CCNG2: variants seen among roughly 807,000 people sequenced by gnomAD.
CCNG2 encodes cyclin-G2.
Under a neutral mutation model 36.5 loss-of-function variants are expected in CCNG2, and 20 were observed. That is an observed-to-expected ratio of 0.55 (90% confidence interval 0.39 to 0.80). The LOEUF (loss-of-function observed/expected upper bound fraction) is 0.80, where lower values mean the gene tolerates loss of function less well. CCNG2 is among the 30% of genes least tolerant of loss of function. The pLI is 0.00. For synonymous variants in CCNG2, 155 were observed against 140.1 expected (o/e 1.11, Z -0.75); for missense variants, 358 against 390.8 (o/e 0.92, Z 0.71).
At position 77,167,723 on chromosome 4, in the gene CCNG2, C is replaced by G. The variant is rs1157697426; in HGVS notation, c.*1799C>G. On this transcript the variant is annotated 3_prime_UTR_variant, in exon 8 of 8. Coordinates refer to ENST00000316355, the MANE Select transcript of CCNG2 (RefSeq NM_004354.3). The stretch of plus-strand genomic sequence containing the variant: ...TTTGATTTTTGTAGACCTTTGTTTT[C>G]TCTAGTTAGAAAATCAGGTACACTG... 1 of 152,106 alleles carries G rather than the reference C, an allele frequency of 6.6e-6. No homozygotes were observed. The highest frequency in any genetic ancestry group is 1.5e-5 in the Non-Finnish European group (1 of 68,014). The allele number at this position is 152,106 out of a possible 1,614,324, so 9.4% of individuals were successfully genotyped here. A position where few individuals can be genotyped will look rare whatever the true frequency, so the allele number is the denominator to read the frequency against.
chr4:77,166,727 G>A lies in CCNG2; in HGVS notation c.*803G>A, dbSNP rs990592513. The A allele has an allele frequency of 6.6e-6, 1 of 152,230 alleles. No homozygotes were observed. Among genetic ancestry groups the A allele is most frequent in the Admixed American group, 6.5e-5 (1 of 15,298 alleles). 9.4% of individuals were successfully genotyped at this position (152,230 alleles called of 1,614,324 possible). A position where few individuals can be genotyped will look rare whatever the true frequency, so the allele number is the denominator to read the frequency against. On this transcript the variant is annotated 3_prime_UTR_variant, in exon 8 of 8. Coordinates refer to ENST00000316355, the MANE Select transcript of CCNG2 (RefSeq NM_004354.3). ...TGGAATTGATAAATGTTGATCTGGT[G>A]TAGTATATTTTATCGCATTTTCTTA... is the stretch of plus-strand genomic sequence containing the variant.
At chr4:77,159,266 C>T in intron 2 of CCNG2, 101 bp from the exon 3 acceptor site, 2 of 1,119,252 alleles carry the variant, frequency 1.8e-6, no homozygotes, top group Non-Finnish European at 2.5e-6. Flanking sequence ...AAAAATTAAC[C>T]TTATTCTTGG....
At chr4:77,164,243 G>T in intron 6 of CCNG2, 31 bp from the exon 7 acceptor site, 1 of 1,547,638 alleles carries the variant, frequency 6.5e-7, no homozygotes. Context: ...GGGAGACATT[G>T]CCGTAACCTC....
chr4:77,161,399 G>A, intron 4 of CCNG2, 81 bp from the exon 5 acceptor site: 2 of 1,121,642 alleles, frequency 1.8e-6, no homozygotes, highest in South Asian at 3.0e-5. Flanking sequence ...ACCGCGTCTG[G>A]CCCTGGCAAA....
At chr4:77,164,681 T>C (rs1394359539) in intron 7 of CCNG2, 2 of 479,676 alleles carry the variant, frequency 4.2e-6, no homozygotes, top group East Asian at 6.7e-5. Flanking sequence ...TCCTCTCCAA[T>C]TTTTTTAGTT....
chr4:77,159,959 G>T (rs1560421854), intron 3 of CCNG2, among the ~76,000 whole-genome samples: 2 of 152,140 alleles, frequency 1.3e-5, no homozygotes, highest in South Asian at 4.1e-4. Flanking sequence ...ACCAGCAATG[G>T]CTAGAAAAAT....
intron 6 of CCNG2, 43 bp from the exon 7 acceptor site, chr4:77,164,231 T>TTGG: frequency 2.1e-6 from 3 of 1,453,264 alleles, no homozygotes; most frequent in Non-Finnish European, 2.9e-6. Context: ...GCAGCAAGAT[T>TTGG]TGGGAGACAT....
chr4:77,164,191 T>A (rs1203113668), intron 6 of CCNG2, 83 bp from the exon 7 acceptor site: 21 of 938,536 alleles, frequency 2.2e-5, no homozygotes, highest in Middle Eastern at 2.5e-4. Flanking sequence ...ATATATATAT[T>A]TTTCATAGCT....
intron 3 of CCNG2, 53 bp from the exon 4 acceptor site, chr4:77,160,668 T>C: frequency 6.4e-7 from 1 of 1,563,998 alleles, no homozygotes. Flanking sequence ...ATTCTAAGTA[T>C]CTGCTAAGTC....
intron 6 of CCNG2, 73 bp downstream of exon 6, chr4:77,161,820 T>C (rs1459735563): frequency 1.1e-6 from 1 of 873,474 alleles, no homozygotes; most frequent in Non-Finnish European, 1.8e-6. Flanking sequence ...GACTTAAACA[T>C]TAAGTAATAC....
rs529049321 is a variant in CCNG2 at position 77,159,727 on chromosome 4, T to A, written c.276+223T>A. 6.6e-5 allele frequency among the ~76,000 whole-genome samples: 10 copies of A among 152,364 alleles called. No homozygotes were observed. In the South Asian group the frequency reaches 1.9e-3, roughly 28 times the overall value. ...TCTTAGGTTTTACCTCTTAAGTACT[T>A]TCTCTTGAATATGTGACAAAAGAGA... is the stretch of plus-strand genomic sequence containing the variant. On this transcript the variant is annotated intron_variant, in intron 3 of 7. Transcript: ENST00000316355.
chr4:77,160,522 C>CT (rs202066926), intron 3 of CCNG2, among the ~76,000 whole-genome samples, 199 bp from the exon 4 acceptor site: 6,697 of 107,186 alleles, frequency 0.062, 361 homozygotes, highest in African/African-American at 0.081. Flanking sequence ...TCCCTGCTGC[C>CT]TTTTTTTTTG....
chr4:77,160,531 T>TTGGG (rs1451880647), intron 3 of CCNG2, among the ~76,000 whole-genome samples, 190 bp from the exon 4 acceptor site: 7 of 107,380 alleles, frequency 6.5e-5, no homozygotes, highest in Non-Finnish European at 7.3e-5. Context: ...CCTTTTTTTT[T>TTGGG]GGGGGGGGGG....
In CCNG2 at chr4:77,165,961, T is replaced by C. The variant is rs78484094; in HGVS notation, c.*37T>C. Reference sequence around the variant, plus strand: ...TTCTGTCAGAATTTATATTTACAGGTTTCAAAGCAATAAATGGGGGAATAG... The same window carrying C: ...TTCTGTCAGAATTTATATTTACAGGCTTCAAAGCAATAAATGGGGGAATAG... On this transcript the variant is annotated 3_prime_UTR_variant, in exon 8 of 8. Coordinates refer to ENST00000316355, the MANE Select transcript of CCNG2 (RefSeq NM_004354.3). 6.4e-7 allele frequency: 1 copy of C among 1,566,812 alleles called. No homozygotes were observed. Among genetic ancestry groups the C allele is most frequent in the Non-Finnish European group, 8.6e-7 (1 of 1,159,470 alleles).
At chr4:77,159,061 A>T (rs1410715738) in intron 2 of CCNG2, among the ~76,000 whole-genome samples, 3 of 152,252 alleles carry the variant, frequency 2.0e-5, no homozygotes, top group Non-Finnish European at 4.4e-5. Context: ...CTTTCTCTCC[A>T]TTCCAAGGGA....
At chr4:77,161,790 T>C in intron 6 of CCNG2, 43 bp downstream of exon 6, 4 of 1,254,484 alleles carry the variant, frequency 3.2e-6, no homozygotes. Flanking sequence ...TTTTTCCTGA[T>C]GTTTATTTTT....
In CCNG2 at chr4:77,157,275, T is replaced by G. The variant is rs1731280327; in HGVS notation, c.-232T>G. The stretch of plus-strand genomic sequence containing the variant: ...CGGCGGGGGTGCGGCGGTGGGCTGG[T>G]CTTCCGCGGCCGGCGTTGCGCCGCG... On this transcript the variant is annotated 5_prime_UTR_variant, in exon 1 of 8. Coordinates refer to ENST00000316355, the MANE Select transcript of CCNG2 (RefSeq NM_004354.3). 1 of 152,114 alleles carries G rather than the reference T, an allele frequency of 6.6e-6. No individual in the cohort carries two copies. The highest frequency in any genetic ancestry group is 6.6e-5 in the Admixed American group (1 of 15,264). 9.4% of individuals were successfully genotyped at this position (152,114 alleles called of 1,614,324 possible). A position where few individuals can be genotyped will look rare whatever the true frequency, so the allele number is the denominator to read the frequency against.
chr4:77,158,313 G>A (rs1186820092), intron 1 of CCNG2: 3 of 560,386 alleles, frequency 5.4e-6, no homozygotes, highest in Non-Finnish European at 9.5e-6. Flanking sequence ...ACCCAGCGCT[G>A]GCCGGCGGAC....
At position 77,166,996 on chromosome 4, in the gene CCNG2, T is replaced by C. The variant is rs1731648354; in HGVS notation, c.*1072T>C. The C allele has an allele frequency of 6.6e-6, 1 of 152,220 alleles. No homozygotes were observed. Among genetic ancestry groups the C allele is most frequent in the Non-Finnish European group, 1.5e-5 (1 of 68,030 alleles). The allele number at this position is 152,220 out of a possible 1,614,324, so 9.4% of individuals were successfully genotyped here. On this transcript the variant is annotated 3_prime_UTR_variant, in exon 8 of 8. Transcript: ENST00000316355. ...ATTGTATATGAACATGTAAATCTTTTAAAATGTACATAAAATACTGTATTT... is the reference window on the plus strand; with the variant it reads ...ATTGTATATGAACATGTAAATCTTTCAAAATGTACATAAAATACTGTATTT...
Sources: allele counts gnomAD v4.1 joint callset (sites outside exome capture counted in the v4.1 genomes callset), GRCh38; gene constraint gnomAD v4.1.1; transcripts MANE v1.5; gene names NCBI Gene and HGNC (gene_info 2026-07-23, HGNC 2026-07-21).